The following VWF variants were observed in gnomAD, a reference collection of about 807,000 sequenced individuals.
VWF encodes the protein Factor VIII related antigen.
Under a neutral mutation model 308.6 loss-of-function variants are expected in VWF, and 176 were observed. That is an observed-to-expected ratio of 0.57 (90% CI 0.50 to 0.65). VWF has a LOEUF of 0.65. Ranked by LOEUF, VWF falls within the 30% of genes least tolerant of loss-of-function variation. The pLI is 0.00. For synonymous variants in VWF, 1,385 were observed against 1,443.4 expected (o/e 0.96, Z 0.92); for missense variants, 3,146 against 3,648.2 (o/e 0.86, Z 3.55).
intron 10 of VWF, 95 bp from the exon 11 acceptor site, chr12:6,065,368 C>T: frequency 6.6e-6 from 10 of 1,511,780 alleles, no homozygotes; most frequent in Non-Finnish European, 9.1e-6. Context: ...GGGTGCCCTT[C>T]CCCAAAACTG....
intron 3 of VWF, among the ~76,000 whole-genome samples, chr12:6,111,929 G>A (rs1173962741): frequency 2.6e-5 from 4 of 151,120 alleles, no homozygotes; most frequent in South Asian, 2.1e-4. Context: ...CTGCACTCCA[G>A]CCTGGGTGAC....
At position 6,056,876 on chromosome 12, in the gene VWF, C is replaced by T. The variant is rs61754666; in HGVS notation, c.1926G>A (p.Trp642Ter). Reference protein sequence around the residue: ...ACAGRGVRVAWREPGRCELNC... With the variant: ...ACAGRGVRVA The stretch of plus-strand genomic sequence containing the variant: ...ACGCACCACAGCGGCCTGGCTCGCG[C>T]CACGCGACGCGCACGCCTCTCCCCG... The change falls in exon 15 of 52, where the codon TGG (tryptophan) becomes TGA (stop). Residue 642 changes from tryptophan to a stop codon, truncating the protein, a stop_gained. Transcript: ENST00000261405. LOFTEE classifies it high-confidence loss of function. 1 of 1,476,066 alleles carries T rather than the reference C, an allele frequency of 6.8e-7. No homozygotes were observed. The highest frequency in any genetic ancestry group is 8.9e-7 in the Non-Finnish European group (1 of 1,123,042). The allele number at this position is 1,476,066 out of a possible 1,614,324, so 91.4% of individuals were successfully genotyped here.
intron 47 of VWF, among the ~76,000 whole-genome samples, chr12:5,957,463 A>G (rs74813069): frequency 6.6e-6 from 1 of 152,312 alleles, no homozygotes; most frequent in Non-Finnish European, 1.5e-5. Flanking sequence ...GAAGAAAATT[A>G]CACAAAAGCA....
chr12:5,993,789 C>G (rs916655532), intron 37 of VWF, 73 bp downstream of exon 37: 3 of 1,405,436 alleles, frequency 2.1e-6, no homozygotes, highest in East Asian at 2.3e-5. Flanking sequence ...GATAAAGAAT[C>G]TGGGGCACAG....
rs1944807484 is a variant in VWF, at chr12:6,073,737, T to A, written c.879A>T (p.Pro293=). The change falls in exon 8 of 52, where the codon CCA becomes CCT. Residue 293 remains proline, a synonymous_variant. Coordinates refer to ENST00000261405, the MANE Select transcript of VWF (RefSeq NM_000552.5). The part of the protein sequence containing the change: ...YGWTDHSACS[P]VCPAGMEYRQ... Reference sequence around the variant, plus strand: ...TATACTCCATACCAGCAGGGCACACTGGGCCTGAAAAGGAACATCAAAGGG... The same window carrying A: ...TATACTCCATACCAGCAGGGCACACAGGGCCTGAAAAGGAACATCAAAGGG... 1.2e-6 allele frequency: 2 copies of A among 1,613,788 alleles called. No homozygotes were observed. The highest frequency in any genetic ancestry group is 1.7e-5 in the Admixed American group (1 of 59,988).
intron 38 of VWF, among the ~76,000 whole-genome samples, chr12:5,986,021 C>A (rs1334056163): frequency 6.6e-6 from 1 of 152,160 alleles, no homozygotes; most frequent in Non-Finnish European, 1.5e-5. Context: ...GAAAAAAATC[C>A]ATTTATTTCT....
At chr12:6,047,371 A>G (rs1200678070) in intron 16 of VWF, among the ~76,000 whole-genome samples, 2 of 152,184 alleles carry the variant, frequency 1.3e-5, no homozygotes, top group Non-Finnish European at 2.9e-5. Context: ...AGTATATTCA[A>G]AACTAAACTC....
chr12:6,079,450 CA>C (rs5796207), intron 6 of VWF, among the ~76,000 whole-genome samples: 4 of 149,298 alleles, frequency 2.7e-5, no homozygotes, highest in South Asian at 2.1e-4. Flanking sequence ...ACTAAAAATA[CA>C]AAAAAAAAAT....
At position 6,064,256 on chromosome 12, in the gene VWF, G is replaced by T. The variant is rs770754230; in HGVS notation, c.1422C>A (p.Pro474=). 7 of 1,614,158 alleles carry T rather than the reference G, an allele frequency of 4.3e-6. 1 individual carries two copies. In the South Asian group the frequency reaches 7.7e-5, roughly 18 times the overall value. ...VAMDGQDVQL[P]LLKGDLRIQH... is the part of the protein sequence containing the mutation. ...CAGGACGAAGCATACCTTTCAGGAGGGGGAGCTGGACGTCCTGGCCATCCA... is the reference window on the plus strand; with the variant it reads ...CAGGACGAAGCATACCTTTCAGGAGTGGGAGCTGGACGTCCTGGCCATCCA... Residue 474 remains proline (P), a synonymous_variant, in exon 12 of 52, where the codon CCC becomes CCA. Transcript: ENST00000261405.
intron 24 of VWF, among the ~76,000 whole-genome samples, chr12:6,025,066 G>C (rs985749056): frequency 2.0e-5 from 3 of 151,722 alleles, no homozygotes; most frequent in Non-Finnish European, 4.4e-5. Context: ...TTAACCTTGC[G>C]GAATTCCTCC....
chr12:5,998,148 A>G (rs1202217787), intron 34 of VWF, among the ~76,000 whole-genome samples: 1 of 152,156 alleles, frequency 6.6e-6, no homozygotes, highest in Non-Finnish European at 1.5e-5. Context: ...AGCAAAACAC[A>G]AATGTTCAAA....
In VWF at chr12:5,981,801, G is replaced by C; in HGVS notation, c.7272C>G (p.Thr2424=). The C allele has an allele frequency of 6.2e-7, 1 of 1,614,160 alleles. No individual in the cohort carries two copies. The highest frequency in any genetic ancestry group is 8.5e-7 in the Non-Finnish European group (1 of 1,180,030). The change falls in exon 42 of 52, where the codon ACC becomes ACG. Residue 2424 remains threonine, a synonymous_variant. Coordinates refer to ENST00000261405, the MANE Select transcript of VWF (RefSeq NM_000552.5). ...ATNDCGCTTT[T]CLPDKVCVHR... ...CAGTCCTTACCTTGTCGGGAAGGCA[G>C]GTGGTTGTGGTACAGCCACAGTCAT... is the stretch of plus-strand genomic sequence containing the variant.
At chr12:5,984,478 AC>A (rs1358362029) in intron 40 of VWF, among the ~76,000 whole-genome samples, 1 of 152,262 alleles carries the variant, frequency 6.6e-6, no homozygotes, top group Non-Finnish European at 1.5e-5. Context: ...TGCAAATTGT[AC>A]AAGCCTGTGC....
intron 46 of VWF, among the ~76,000 whole-genome samples, chr12:5,967,887 A>G (rs1943422117): frequency 6.6e-6 from 1 of 152,212 alleles, no homozygotes; most frequent in Non-Finnish European, 1.5e-5. Context: ...CACAGAAGAA[A>G]TGCACAGGTG....
intron 15 of VWF, 142 bp from the exon 16 acceptor site, chr12:6,052,925 A>T: frequency 7.7e-7 from 1 of 1,299,124 alleles, no homozygotes; most frequent in Non-Finnish European, 1.0e-6. Context: ...ACTTGCTTGC[A>T]ATTACAAGAA....
chr12:5,949,264 G>A (rs951996034), intron 51 of VWF, 61 bp from the exon 52 acceptor site: 9 of 1,567,322 alleles, frequency 5.7e-6, no homozygotes, highest in Non-Finnish European at 7.8e-6. Flanking sequence ...GCTTAGGCAG[G>A]GCTCTGGGGC....
intron 21 of VWF, 95 bp from the exon 22 acceptor site, chr12:6,029,583 T>G: frequency 6.6e-7 from 1 of 1,516,648 alleles, no homozygotes. Flanking sequence ...CTGTCTTCAG[T>G]GCCCACGAGT....
intron 16 of VWF, among the ~76,000 whole-genome samples, chr12:6,049,897 C>T (rs556991207): frequency 3.3e-4 from 50 of 152,304 alleles, no homozygotes; most frequent in African/African-American, 1.1e-3. Context: ...CTCTCTCATG[C>T]AATCCTCTTT....
chr12:5,996,546 A>C (rs1489551794), intron 34 of VWF, among the ~76,000 whole-genome samples: 1 of 152,178 alleles, frequency 6.6e-6, no homozygotes, highest in East Asian at 1.9e-4. Context: ...GCCTTGGCCC[A>C]GAAAACAAAG....
Sources: gnomAD v4.1 joint callset for allele counts (sites outside exome capture counted in the v4.1 genomes callset) on GRCh38, gnomAD v4.1.1 for gene constraint, MANE v1.5 for transcripts, NCBI Gene and HGNC (gene_info 2026-07-23, HGNC 2026-07-21) for gene names.